BNC2: variants seen among roughly 807,000 people sequenced by gnomAD.
BNC2 encodes the protein basonuclin zinc finger protein 2.
In BNC2, 20 loss-of-function variants were observed where a neutral mutation model predicts 76.3. That is an observed-to-expected ratio of 0.26 (90% CI 0.18 to 0.38). The LOEUF is 0.38. Ranked by LOEUF, BNC2 falls within the 10% of genes least tolerant of loss-of-function variation. BNC2 has a pLI of 1.00. For missense variants in BNC2, 1,382 were observed against 1,399.8 expected (o/e 0.99, Z 0.20); for synonymous variants, 582 against 514.8 (o/e 1.13, Z -1.77).
intron 3 of BNC2, among the ~76,000 whole-genome samples, chr9:16,632,522 G>C (rs1228563183): frequency 6.6e-6 from 1 of 152,046 alleles, no homozygotes; most frequent in African/African-American, 2.4e-5. Flanking sequence ...TAATTTAAGG[G>C]AACAATTTGT....
intron 6 of BNC2, among the ~76,000 whole-genome samples, chr9:16,423,499 C>T (rs1307648376): frequency 6.6e-6 from 1 of 152,184 alleles, no homozygotes; most frequent in Non-Finnish European, 1.5e-5. Flanking sequence ...CTTTCAAGAA[C>T]ATAACTAAAT....
chr9:16,660,048 C>A (rs991916617), intron 3 of BNC2, among the ~76,000 whole-genome samples: 2 of 152,192 alleles, frequency 1.3e-5, no homozygotes, highest in Non-Finnish European at 2.9e-5. Flanking sequence ...ATCTCACCCC[C>A]AAATAAGTTT....
chr9:16,484,540 C>G (rs896344421), intron 5 of BNC2, among the ~76,000 whole-genome samples: 1 of 152,166 alleles, frequency 6.6e-6, no homozygotes, highest in Non-Finnish European at 1.5e-5. Context: ...GAATGTCACA[C>G]AGGATCTTAT....
At chr9:16,552,387 C>A in intron 5 of BNC2, 143 bp downstream of exon 5, 2 of 742,818 alleles carry the variant, frequency 2.7e-6, no homozygotes, top group East Asian at 2.7e-5. Flanking sequence ...CTCTCCTTTC[C>A]CCTTCCCTGA....
intron 5 of BNC2, among the ~76,000 whole-genome samples, chr9:16,477,492 CA>C (rs1339170605): frequency 6.6e-6 from 1 of 151,824 alleles, no homozygotes; most frequent in African/African-American, 2.4e-5. Context: ...AACATTTTTT[CA>C]AAAAGAATTA....
chr9:16,772,915 T>C (rs1016575502), intron 1 of BNC2, among the ~76,000 whole-genome samples: 2 of 152,212 alleles, frequency 1.3e-5, no homozygotes, highest in African/African-American at 4.8e-5. Context: ...CTAACTGAAG[T>C]GGCAAGATAC....
At chr9:16,831,726 TCTA>T (rs1818581669) in intron 1 of BNC2, among the ~76,000 whole-genome samples, 1 of 152,146 alleles carries the variant, frequency 6.6e-6, no homozygotes, top group South Asian at 2.1e-4. Context: ...CTGTCCTTAA[TCTA>T]CTGTGTGTTT....
At chr9:16,453,483 C>T (rs371225478) in intron 5 of BNC2, among the ~76,000 whole-genome samples, 1 of 152,144 alleles carries the variant, frequency 6.6e-6, no homozygotes, top group East Asian at 1.9e-4. Context: ...CTCTTTATAC[C>T]TATTCTCCCA....
At chr9:16,639,973 C>T (rs1302832308) in intron 3 of BNC2, among the ~76,000 whole-genome samples, 1 of 151,692 alleles carries the variant, frequency 6.6e-6, no homozygotes, top group African/African-American at 2.4e-5. Flanking sequence ...CCATTAGTGA[C>T]AGACAGCTTG....
intron 1 of BNC2, among the ~76,000 whole-genome samples, chr9:16,761,424 C>T (rs980689510): frequency 1.3e-5 from 2 of 152,134 alleles, no homozygotes; most frequent in African/African-American, 4.8e-5. Flanking sequence ...TCTGATTTTC[C>T]ACAACAATCC....
rs573264031 is a variant in BNC2, at chr9:16,438,781, C to T, written c.670-1257G>A. ...TCGCAAAAAACCTAACAGACCCTAC[C>T]TTAAAAGGGTGATCGACGTTACCAC... is the stretch of plus-strand genomic sequence containing the variant. On this transcript the variant is annotated intron_variant, in intron 5 of 6. Transcript: ENST00000380672. Among the ~76,000 whole-genome samples the T allele has an allele frequency of 5.9e-5, 9 of 152,244 alleles. No homozygotes were observed. The South Asian group carries it at 8.3e-4, about 14-fold the overall frequency.
At chr9:16,782,236 G>C (rs1319438953) in intron 1 of BNC2, among the ~76,000 whole-genome samples, 1 of 151,892 alleles carries the variant, frequency 6.6e-6, no homozygotes, top group Non-Finnish European at 1.5e-5. Flanking sequence ...AGTCAGCCGA[G>C]ATTGTGCCAC....
intron 1 of BNC2, among the ~76,000 whole-genome samples, chr9:16,741,453 C>CA (rs568694595): frequency 0.037 from 4,698 of 125,494 alleles, 172 homozygotes; most frequent in African/African-American, 0.1. Context: ...AACTCCATTT[C>CA]AAAAAAAAAA....
chr9:16,642,866 T>C (rs747714062), intron 3 of BNC2, among the ~76,000 whole-genome samples: 2 of 152,216 alleles, frequency 1.3e-5, no homozygotes, highest in African/African-American at 2.4e-5. Flanking sequence ...TTCTGGAATC[T>C]AACTATCAGG....
chr9:16,857,473 T>C (rs1395499747), intron 1 of BNC2, among the ~76,000 whole-genome samples: 1 of 106,544 alleles, frequency 9.4e-6, no homozygotes, highest in African/African-American at 3.8e-5. Context: ...TGAGACTCTG[T>C]CTCAAATAAA....
intron 5 of BNC2, among the ~76,000 whole-genome samples, chr9:16,499,303 T>C (rs1324499623): frequency 1.3e-5 from 2 of 152,176 alleles, no homozygotes; most frequent in South Asian, 2.1e-4. Flanking sequence ...TGGAGGTTAC[T>C]GCTTACTTAG....
chr9:16,754,454 T>C (rs1326320139), intron 1 of BNC2, among the ~76,000 whole-genome samples: 2 of 152,228 alleles, frequency 1.3e-5, no homozygotes, highest in African/African-American at 2.4e-5. Context: ...ACTGCTATTT[T>C]AATCCAGATC....
chr9:16,672,238 C>A (rs1463905782), intron 3 of BNC2, among the ~76,000 whole-genome samples: 1 of 152,178 alleles, frequency 6.6e-6, no homozygotes, highest in East Asian at 1.9e-4. Context: ...TGGCTCATGC[C>A]TGTAATCCCA....
At chr9:16,473,416 T>C (rs961207575) in intron 5 of BNC2, 3 of 152,160 alleles carry the variant, frequency 2.0e-5, no homozygotes, top group African/African-American at 7.2e-5. Context: ...GAAACTAAAG[T>C]TAACTTTTCT....
Sources: allele counts gnomAD v4.1 joint callset (sites outside exome capture counted in the v4.1 genomes callset), GRCh38; gene constraint gnomAD v4.1.1; transcripts MANE v1.5; gene names NCBI Gene and HGNC (gene_info 2026-07-23, HGNC 2026-07-21).